METTL15: variants seen among roughly 807,000 people sequenced by gnomAD.
METTL15 encodes 12S rRNA N(4)-cytidine methyltransferase METTL15.
A neutral mutation model predicts 38.3 loss-of-function variants in METTL15; 34 were observed. The ratio of observed to expected loss-of-function variants is 0.89; its 90% confidence interval spans 0.68 to 1.18. The LOEUF is 1.18. Among genes scored for constraint, METTL15 ranks in the 50% most tolerant of loss-of-function variants. The pLI, the probability that METTL15 is intolerant of heterozygous loss-of-function variation, is 0.00. For missense variants in METTL15, 438 were observed against 498.4 expected, an observed-to-expected ratio of 0.88 and a Z score of 1.15; for synonymous variants, 162 against 170.9, an observed-to-expected ratio of 0.95 and a Z score of 0.41.
chr11:28,128,631 T>C (rs1852604419), intron 3 of METTL15, among the ~76,000 whole-genome samples: 2 of 152,176 alleles, frequency 1.3e-5, no homozygotes, highest in Non-Finnish European at 2.9e-5. Context: ...TTGCAATGTT[T>C]TGCGTAAAAG....
intron 3 of METTL15, among the ~76,000 whole-genome samples, chr11:28,175,998 T>G (rs948200090): frequency 6.6e-6 from 1 of 151,724 alleles, no homozygotes; most frequent in African/African-American, 2.4e-5. Flanking sequence ...TGTAGGGAGG[T>G]CAATTTAATA....
chr11:28,450,607 G>A (rs938553199), intron 6 of METTL15, among the ~76,000 whole-genome samples: 2 of 152,182 alleles, frequency 1.3e-5, no homozygotes, highest in Admixed American at 1.3e-4. Flanking sequence ...TACAGTATGT[G>A]TAAGTCAAAA....
chr11:28,523,494 C>A (rs1851784620), intron 6 of METTL15, among the ~76,000 whole-genome samples: 1 of 152,168 alleles, frequency 6.6e-6, no homozygotes, highest in African/African-American at 2.4e-5. Flanking sequence ...AGTCACCAAC[C>A]AAACACCAGC....
At chr11:28,384,522 C>A (rs536322597) in intron 5 of METTL15, among the ~76,000 whole-genome samples, 8 of 152,200 alleles carry the variant, frequency 5.3e-5, no homozygotes, top group African/African-American at 1.9e-4. Flanking sequence ...GTTGGCCAGG[C>A]TAGTCTCAAA....
At chr11:28,384,436 G>T (rs1356142583) in intron 5 of METTL15, among the ~76,000 whole-genome samples, 1 of 151,960 alleles carries the variant, frequency 6.6e-6, no homozygotes, top group Admixed American at 6.6e-5. Flanking sequence ...AGCCTCCCAA[G>T]TAGCTGGGAT....
At chr11:28,421,405 A>G (rs1315709400) in intron 5 of METTL15, among the ~76,000 whole-genome samples, 11 of 152,046 alleles carry the variant, frequency 7.2e-5, no homozygotes. Flanking sequence ...AGACACACCA[A>G]AAAAAGAAAA....
At chr11:28,354,727 C>T (rs1193706444) in intron 4 of METTL15, among the ~76,000 whole-genome samples, 11 of 152,096 alleles carry the variant, frequency 7.2e-5, no homozygotes, top group African/African-American at 2.2e-4. Context: ...TAAGGGAAAT[C>T]GGTGAGTGGT....
chr11:28,194,789 A>G (rs528333839), intron 3 of METTL15, among the ~76,000 whole-genome samples: 35 of 151,872 alleles, frequency 2.3e-4, no homozygotes, highest in Non-Finnish European at 4.3e-4. Flanking sequence ...TAGTGTACCT[A>G]TCACTTGGTG....
rs1040234955 is a variant in METTL15 at position 28,332,274 on chromosome 11, C to G, written c.*1433C>G. 6.6e-6 allele frequency: 1 copy of G among 152,110 alleles called. No individual in the cohort carries two copies. Among genetic ancestry groups the G allele is most frequent in the Non-Finnish European group, 1.5e-5 (1 of 68,010 alleles). 9.4% of individuals were successfully genotyped at this position (152,110 alleles called of 1,614,324 possible). On this transcript the variant is annotated 3_prime_UTR_variant, in exon 7 of 7. Coordinates refer to ENST00000407364, the MANE Select transcript of METTL15 (RefSeq NM_001113528.2). Reference sequence around the variant, plus strand: ...TGGTTGAAATAGAAACAAGAGAATGCACCTAGGTTAATTCCCTGAATCCTA... The same window carrying G: ...TGGTTGAAATAGAAACAAGAGAATGGACCTAGGTTAATTCCCTGAATCCTA...
At chr11:28,520,742 G>A (rs1033500730) in intron 6 of METTL15, among the ~76,000 whole-genome samples, 7 of 152,144 alleles carry the variant, frequency 4.6e-5, no homozygotes, top group Admixed American at 6.5e-5. Context: ...CATTCTTCAC[G>A]GAGTTTAGAG....
chr11:28,321,161 T>C (rs897248284), intron 6 of METTL15, among the ~76,000 whole-genome samples: 1 of 152,178 alleles, frequency 6.6e-6, no homozygotes. Context: ...AATAAGTAAC[T>C]GTGTTATGCC....
intron 3 of METTL15, among the ~76,000 whole-genome samples, chr11:28,161,874 G>T (rs533584859): frequency 1.3e-5 from 2 of 152,166 alleles, no homozygotes; most frequent in East Asian, 3.9e-4. Context: ...TTCAGATAAG[G>T]TTATGTCAAC....
At chr11:28,189,751 T>C (rs1035974552) in intron 3 of METTL15, among the ~76,000 whole-genome samples, 2 of 151,256 alleles carry the variant, frequency 1.3e-5, no homozygotes, top group African/African-American at 4.8e-5. Flanking sequence ...ACAGTCAATC[T>C]CACATTTTGT....
At chr11:28,340,635 C>T (rs555981485) in intron 3 of METTL15, among the ~76,000 whole-genome samples, 2 of 152,270 alleles carry the variant, frequency 1.3e-5, no homozygotes, top group East Asian at 3.9e-4. Context: ...CCATCTCACG[C>T]CAGCTAGAAT....
At chr11:28,343,091 T>C (rs1184183958) in intron 3 of METTL15, among the ~76,000 whole-genome samples, 2 of 152,194 alleles carry the variant, frequency 1.3e-5, no homozygotes, top group Non-Finnish European at 2.9e-5. Flanking sequence ...AATTATTGTT[T>C]TCATACAAAC....
At chr11:28,164,922 G>A (rs1467357974) in intron 3 of METTL15, among the ~76,000 whole-genome samples, 1 of 151,974 alleles carries the variant, frequency 6.6e-6, no homozygotes, top group East Asian at 1.9e-4. Context: ...CACTTTTTTA[G>A]ATTCTACATA....
chr11:28,412,380 T>C (rs1314678670), intron 5 of METTL15, among the ~76,000 whole-genome samples: 1 of 151,136 alleles, frequency 6.6e-6, no homozygotes, highest in African/African-American at 2.4e-5. Context: ...ATGTTATATA[T>C]AATATATGAA....
Position 28,280,550 on chromosome 11 carries a change from A to G in METTL15, c.408-9656A>G, listed in dbSNP as rs548657713. ...CTTTAATCTGTGGTTTGCAATCTTG[A>G]ATCATTTTGGAAGCTTGGCCATTGT... On this transcript the variant is annotated intron_variant, in intron 4 of 6. Transcript: ENST00000407364. Among the ~76,000 whole-genome samples the G allele has an allele frequency of 2.0e-5, 3 of 151,902 alleles. No individual in the cohort carries two copies. In the South Asian group the frequency reaches 6.2e-4, roughly 32 times the overall value.
At chr11:28,192,353 C>T (rs1851728551) in intron 3 of METTL15, among the ~76,000 whole-genome samples, 1 of 151,446 alleles carries the variant, frequency 6.6e-6, no homozygotes, top group Non-Finnish European at 1.5e-5. Flanking sequence ...AATGTTGAAC[C>T]AGCCTTGCAT....
Sources: allele counts gnomAD v4.1 joint callset (sites outside exome capture counted in the v4.1 genomes callset), GRCh38; gene constraint gnomAD v4.1.1; transcripts MANE v1.5; gene names NCBI Gene and HGNC (gene_info 2026-07-23, HGNC 2026-07-21).